The following TRMT61B variants were observed in gnomAD, a reference collection of about 807,000 sequenced individuals.
TRMT61B encodes tRNA (adenine(58)-N(1))-methyltransferase, mitochondrial.
Under a neutral mutation model 52.0 loss-of-function variants are expected in TRMT61B, and 56 were observed. The observed-to-expected ratio is 1.08, with a 90% CI of 0.87 to 1.35. The LOEUF is 1.35. Among genes scored for constraint, TRMT61B ranks in the 40% most tolerant of loss-of-function variants. The probability of loss-of-function intolerance (pLI) is 0.00; values close to 1 mark genes in which losing one functional copy is unlikely to be tolerated. For synonymous variants in TRMT61B, 206 were observed against 220.0 expected (o/e 0.94, Z 0.56); for missense variants, 650 against 577.9 (o/e 1.12, Z -1.28).
chr2:28,852,878 G>A (rs1325155720), intron 3 of TRMT61B, among the ~76,000 whole-genome samples: 1 of 152,028 alleles, frequency 6.6e-6, no homozygotes, highest in Non-Finnish European at 1.5e-5. Context: ...AGGGTCACTG[G>A]AGCCTAGGAG....
intron 1 of TRMT61B, among the ~76,000 whole-genome samples, chr2:28,866,163 G>A (rs1233925030): frequency 1.3e-5 from 2 of 151,018 alleles, no homozygotes; most frequent in Non-Finnish European, 2.9e-5. Context: ...CTAATTTTTT[G>A]TATTTTTAGT....
Position 28,851,098 on chromosome 2 carries a change from C to A in TRMT61B, c.1286G>T (p.Gly429Val), listed in dbSNP as rs1363079652. The change falls in exon 5 of 7, where the codon GGT (glycine) becomes GTT (valine). Residue 429 changes from glycine to valine, a missense_variant. Transcript: ENST00000306108. Reference protein sequence around the residue: ...LDSQEKIGVKGELFQEDDHEE... With the variant: ...LDSQEKIGVKVELFQEDDHEE... ...ATGGTCATCCTCTTGAAACAGCTCA[C>A]CTTTAACTCCAATTTTCTCTTGAGA... 1.2e-6 allele frequency: 2 copies of A among 1,609,700 alleles called. No homozygotes were observed. The highest frequency in any genetic ancestry group is 1.7e-4 in the Middle Eastern group (1 of 6,050).
chr2:28,850,129 G>T lies in TRMT61B; in HGVS notation c.*70C>A. The T allele has an allele frequency of 7.0e-7, 1 of 1,423,230 alleles. No homozygotes were observed. The highest frequency in any genetic ancestry group is 1.2e-5 in the South Asian group (1 of 82,124). 88.2% of individuals were successfully genotyped at this position (1,423,230 alleles called of 1,614,324 possible). Reference sequence around the variant, plus strand: ...CTAAAAATGCCAATCTATGGAAGCAGTGATTTTCAATATAAAGTTCTATTT... The same window carrying T: ...CTAAAAATGCCAATCTATGGAAGCATTGATTTTCAATATAAAGTTCTATTT... On this transcript the variant is annotated 3_prime_UTR_variant, in exon 7 of 7. Transcript: ENST00000306108.
At chr2:28,860,984 C>A (rs13025081) in intron 3 of TRMT61B, 134 bp downstream of exon 3, 330,673 of 737,430 alleles carry the variant, frequency 0.45, 78,039 homozygotes, top group Middle Eastern at 0.52. Flanking sequence ...AGGCATGAAA[C>A]GAAAATATTC....
In TRMT61B at chr2:28,851,131, T is replaced by A. The variant is rs1315203423; in HGVS notation, c.1253A>T (p.Gln418Leu). The A allele has an allele frequency of 6.2e-7, 1 of 1,612,958 alleles. No homozygotes were observed. The highest frequency in any genetic ancestry group is 8.5e-7 in the Non-Finnish European group (1 of 1,179,710). Residue 418 changes from glutamine (Q) to leucine (L), a missense_variant, in exon 5 of 7, where the codon CAA becomes CTA. By Grantham distance (113) the Gln-to-Leu change is moderately radical. Transcript: ENST00000306108. ...KVESKINTDV[Q>L]LDSQEKIGVK... is the part of the protein sequence containing the mutation. ...TCCAATTTTCTCTTGAGAATCTAGT[T>A]GTACATCTGTGTTGATTTTAGATTC...
intron 3 of TRMT61B, among the ~76,000 whole-genome samples, chr2:28,860,720 G>T (rs1336713911): frequency 6.6e-6 from 1 of 152,130 alleles, no homozygotes; most frequent in Non-Finnish European, 1.5e-5. Context: ...AACTAAAGAT[G>T]CCTTCTGCCT....
intron 3 of TRMT61B, among the ~76,000 whole-genome samples, chr2:28,857,554 A>G (rs138590523): frequency 2.7e-4 from 41 of 152,262 alleles, no homozygotes; most frequent in African/African-American, 9.6e-4. Context: ...TTCAGTGCTT[A>G]CTATGTACCA....
chr2:28,859,426 C>T (rs1669502359), intron 3 of TRMT61B, among the ~76,000 whole-genome samples: 1 of 152,086 alleles, frequency 6.6e-6, no homozygotes, highest in Non-Finnish European at 1.5e-5. Flanking sequence ...GATCAAACAC[C>T]AACCCTCAAG....
intron 3 of TRMT61B, 105 bp from the exon 4 acceptor site, chr2:28,852,604 A>T: frequency 1.4e-6 from 1 of 715,732 alleles, no homozygotes; most frequent in Non-Finnish European, 2.4e-6. Context: ...CAATCAAAGT[A>T]TTTCATTTTT....
At chr2:28,861,433 G>T in intron 2 of TRMT61B, 125 bp from the exon 3 acceptor site, 1 of 752,550 alleles carries the variant, frequency 1.3e-6, no homozygotes. Context: ...AATGTTACAA[G>T]TCTGATCTCC....
chr2:28,856,288 C>T (rs1306429846), intron 3 of TRMT61B, among the ~76,000 whole-genome samples: 1 of 152,216 alleles, frequency 6.6e-6, no homozygotes, highest in African/African-American at 2.4e-5. Flanking sequence ...TAAAGTCTCA[C>T]AAATCTACCT....
chr2:28,861,123 C>A lies in TRMT61B; in HGVS notation c.988G>T (p.Asp330Tyr). The change falls in exon 3 of 7, where the codon GAC (aspartate) becomes TAC (tyrosine). Residue 330 changes from aspartate (D) to tyrosine (Y), a missense_variant. Transcript: ENST00000306108. ...ATEDIKSLTF[D>Y]AVALDMLNPH... ...ACCCACGTTAGAAAACTTACTGCGTCAAATGTTAAAGATTTTATGTCTTCG... is the reference window on the plus strand; with the variant it reads ...ACCCACGTTAGAAAACTTACTGCGTAAAATGTTAAAGATTTTATGTCTTCG... The A allele has an allele frequency of 6.3e-7, 1 of 1,597,956 alleles. No homozygotes were observed. Among genetic ancestry groups the A allele is most frequent in the South Asian group, 1.1e-5 (1 of 87,832 alleles).
intron 3 of TRMT61B, among the ~76,000 whole-genome samples, chr2:28,859,316 G>A (rs1483858473): frequency 6.6e-6 from 1 of 151,486 alleles, no homozygotes; most frequent in East Asian, 2.0e-4. Context: ...CCTGACCTCA[G>A]GAGATCCGCC....
Position 28,855,537 on chromosome 2 carries a change from T to A in TRMT61B, c.994-3038A>T, listed in dbSNP as rs148939131. ...AGGATGTGAGAAAAAGAAAACTGAA[T>A]CCAAAGTTTTTAGCCTAAGCCACCG... On this transcript the variant is annotated intron_variant, in intron 3 of 6. Transcript: ENST00000306108. Among the ~76,000 whole-genome samples the A allele has an allele frequency of 1.1e-4, 16 of 152,070 alleles. No homozygotes were observed. In the East Asian group the frequency reaches 2.5e-3, roughly 24 times the overall value.
At chr2:28,851,416 TTTAAATATGCAAG>T (rs1246887017) in intron 4 of TRMT61B, 118 bp from the exon 5 acceptor site, 4 of 675,504 alleles carry the variant, frequency 5.9e-6, no homozygotes, top group Non-Finnish European at 9.3e-6. Flanking sequence ...CAGGAGAGGG[TTTAAATATGCAAG>T]TTAGGAGGCA....
Position 28,865,056 on chromosome 2 carries a change from A to C in TRMT61B, c.763T>G (p.Ser255Ala). 1 of 1,613,490 alleles carries C rather than the reference A, an allele frequency of 6.2e-7. No homozygotes were observed. Among genetic ancestry groups the C allele is most frequent in the Non-Finnish European group, 8.5e-7 (1 of 1,179,512 alleles). The stretch of plus-strand genomic sequence containing the variant: ...AATAAGCTCATTCCACCAGAGCCTG[A>C]GCCAGCTTCCAAAACAGTATCACCT... ...NPGDTVLEAG[S>A]GSGGMSLFLS... Residue 255 changes from serine to alanine, a missense_variant, in exon 2 of 7, where the codon TCA (serine) becomes GCA (alanine). Coordinates refer to ENST00000306108, the MANE Select transcript of TRMT61B (RefSeq NM_017910.4).
intron 1 of TRMT61B, among the ~76,000 whole-genome samples, chr2:28,866,279 A>G (rs1386775253): frequency 1.3e-5 from 2 of 152,174 alleles, no homozygotes; most frequent in African/African-American, 4.8e-5. Flanking sequence ...GTGTGAGCCA[A>G]CGTGCCTGGC....
At chr2:28,851,339 T>C in intron 4 of TRMT61B, 41 bp from the exon 5 acceptor site, 2 of 1,346,126 alleles carry the variant, frequency 1.5e-6, no homozygotes, top group Non-Finnish European at 2.0e-6. Flanking sequence ...ACTAAAATAA[T>C]AACATTATAT....
At chr2:28,865,672 CTTTTT>C (rs70958219) in intron 1 of TRMT61B, among the ~76,000 whole-genome samples, 1 of 80,072 alleles carries the variant, frequency 1.2e-5, no homozygotes, top group African/African-American at 5.0e-5. Context: ...GATGAATTTC[CTTTTT>C]TTTTTTTTTT....
Sources: allele counts gnomAD v4.1 joint callset (sites outside exome capture counted in the v4.1 genomes callset), GRCh38; gene constraint gnomAD v4.1.1; transcripts MANE v1.5; gene names NCBI Gene and HGNC (gene_info 2026-07-23, HGNC 2026-07-21).